The following RNLS variants were observed in gnomAD, a reference collection of about 807,000 sequenced individuals.
The protein encoded by RNLS is renalase, FAD dependent amine oxidase, also known as renalase.
Under a neutral mutation model 39.8 loss-of-function variants are expected in RNLS, and 39 were observed. That is an observed-to-expected ratio of 0.98 (90% CI 0.76 to 1.28). The LOEUF (loss-of-function observed/expected upper bound fraction) is 1.28. Among genes scored for constraint, RNLS ranks in the 50% most tolerant of loss-of-function variants. The pLI is 0.00. For synonymous variants in RNLS, 147 were observed against 150.7 expected (o/e 0.98, Z 0.18); for missense variants, 410 against 413.3 (o/e 0.99, Z 0.07).
chr10:88,472,255 A>C (rs1843581720), intron 4 of RNLS, among the ~76,000 whole-genome samples: 1 of 152,186 alleles, frequency 6.6e-6, no homozygotes, highest in East Asian at 1.9e-4. Context: ...CAAGAGTGGG[A>C]TCTGGTATTT....
chr10:88,531,601 T>C lies in RNLS; in HGVS notation c.526+41302A>G, dbSNP rs565553244. ...AGCACCACTCAATCATAGCTGCATA[T>C]TTCCACCAATTCTGGATTTTTGCCA... On this transcript the variant is annotated intron_variant, in intron 4 of 6. Coordinates refer to ENST00000331772, the MANE Select transcript of RNLS (RefSeq NM_001031709.3). Among the ~76,000 whole-genome samples, 53 of 152,180 alleles carry C rather than the reference T, an allele frequency of 3.5e-4. 1 individual carries two copies. The highest frequency in any genetic ancestry group is 3.4e-3 in the Middle Eastern group (1 of 294).
chr10:88,428,999 T>C (rs1423402320), intron 4 of RNLS, among the ~76,000 whole-genome samples: 1 of 151,820 alleles, frequency 6.6e-6, no homozygotes. Context: ...GCTTACTAAG[T>C]AATATTCTGG....
chr10:88,430,021 A>G (rs1303907451), intron 4 of RNLS, among the ~76,000 whole-genome samples: 1 of 151,810 alleles, frequency 6.6e-6, no homozygotes, highest in Non-Finnish European at 1.5e-5. Flanking sequence ...TGAATTTTAG[A>G]ATCAGTTTTC....
intron 4 of RNLS, among the ~76,000 whole-genome samples, chr10:88,399,536 C>A (rs910699706): frequency 6.6e-6 from 1 of 151,876 alleles, no homozygotes; most frequent in Admixed American, 6.6e-5. Flanking sequence ...AGCAGACACA[C>A]AAGTCCACAA....
chr10:88,307,153 G>A (rs1844985252), intron 6 of RNLS, among the ~76,000 whole-genome samples: 1 of 152,092 alleles, frequency 6.6e-6, no homozygotes, highest in African/African-American at 2.4e-5. Context: ...GATAAACTAG[G>A]TATTGAAGGA....
At chr10:88,253,317 C>A in the RNLS span, among the ~76,000 whole-genome samples, 1 of 152,112 alleles carries the variant, frequency 6.6e-6, no homozygotes, top group Non-Finnish European at 1.5e-5. Context: ...CCTGTCCTAC[C>A]CAATCCCTGA....
At chr10:88,330,443 A>G (rs1284697497) in intron 5 of RNLS, among the ~76,000 whole-genome samples, 4 of 152,120 alleles carry the variant, frequency 2.6e-5, no homozygotes. Context: ...AACTTCCTCA[A>G]AATGAGATAG....
intron 5 of RNLS, among the ~76,000 whole-genome samples, chr10:88,353,003 A>T (rs897146892): frequency 6.6e-6 from 1 of 152,160 alleles, no homozygotes; most frequent in African/African-American, 2.4e-5. Flanking sequence ...TGTTTATAGT[A>T]TTCTGTGATG....
chr10:88,522,330 T>A (rs1390326751), intron 4 of RNLS, among the ~76,000 whole-genome samples: 1 of 152,004 alleles, frequency 6.6e-6, no homozygotes, highest in Non-Finnish European at 1.5e-5. Flanking sequence ...GAATATTGAA[T>A]AAAAATCCTT....
At chr10:88,265,133 C>T in the RNLS span, among the ~76,000 whole-genome samples, 1 of 145,556 alleles carries the variant, frequency 6.9e-6, no homozygotes, top group Admixed American at 7.0e-5. Context: ...TGTCGAAGAT[C>T]AGTTGGCTGT....
chr10:88,354,735 C>G (rs532892019), intron 5 of RNLS, among the ~76,000 whole-genome samples: 7 of 152,196 alleles, frequency 4.6e-5, no homozygotes, highest in Non-Finnish European at 8.8e-5. Context: ...GGCGTTCTCT[C>G]TATTTCCTGA....
the RNLS span, among the ~76,000 whole-genome samples, chr10:88,205,144 A>G: frequency 6.6e-6 from 1 of 152,160 alleles, no homozygotes; most frequent in African/African-American, 2.4e-5. Context: ...AAGGCTTCAC[A>G]GACAAGTGGC....
chr10:88,553,796 C>T (rs1015715091), intron 4 of RNLS, among the ~76,000 whole-genome samples: 14 of 152,088 alleles, frequency 9.2e-5, no homozygotes, highest in Non-Finnish European at 1.8e-4. Flanking sequence ...GCTAAAGAAA[C>T]ATATACCCAC....
chr10:88,285,360 A>G lies in RNLS; in HGVS notation c.1023T>C (p.Tyr341=), dbSNP rs1407599535. 3.1e-6 allele frequency: 5 copies of G among 1,611,460 alleles called. No individual in the cohort carries two copies. In the South Asian group the frequency reaches 3.3e-5, roughly 11 times the overall value. ...GAGAATAAGGATATAGGCACTAAATATAATTCTTTAAAGCTTCCAGAACAC... is the reference window on the plus strand; with the variant it reads ...GAGAATAAGGATATAGGCACTAAATGTAATTCTTTAAAGCTTCCAGAACAC... ...ALCVLEALKN[Y]I is the part of the protein sequence containing the mutation. Residue 341 remains tyrosine, a synonymous_variant, in exon 7 of 7, where the codon TAT becomes TAC. Transcript: ENST00000331772.
intron 4 of RNLS, among the ~76,000 whole-genome samples, chr10:88,508,545 T>C (rs1023765384): frequency 6.6e-6 from 1 of 152,172 alleles, no homozygotes; most frequent in Admixed American, 6.6e-5. Flanking sequence ...TTTATTAGTG[T>C]TTTCCTATCA....
chr10:88,426,920 G>A (rs1302194914), intron 4 of RNLS, among the ~76,000 whole-genome samples: 1 of 152,042 alleles, frequency 6.6e-6, no homozygotes, highest in Admixed American at 6.6e-5. Context: ...AATGGGTGGA[G>A]TAAATTGATG....
chr10:88,305,196 T>C (rs1368569162), intron 6 of RNLS, among the ~76,000 whole-genome samples: 1 of 152,206 alleles, frequency 6.6e-6, no homozygotes, highest in African/African-American at 2.4e-5. Context: ...CAAGAGCTCC[T>C]GTAGGAAGCA....
At chr10:88,581,296 A>G (rs778666026) in intron 3 of RNLS, among the ~76,000 whole-genome samples, 220 of 125,466 alleles carry the variant, frequency 1.8e-3, no homozygotes, top group South Asian at 6.1e-3. Flanking sequence ...GTGTGTGTGT[A>G]TATATATATA....
intron 4 of RNLS, among the ~76,000 whole-genome samples, chr10:88,388,681 C>G: frequency 6.6e-6 from 1 of 152,138 alleles, no homozygotes; most frequent in South Asian, 2.1e-4. Context: ...TCTCATAGAA[C>G]CTTTTTATTA....
Sources: gnomAD v4.1 joint callset for allele counts (sites outside exome capture counted in the v4.1 genomes callset) on GRCh38, gnomAD v4.1.1 for gene constraint, MANE v1.5 for transcripts, NCBI Gene and HGNC (gene_info 2026-07-23, HGNC 2026-07-21) for gene names.